Variants in MDM2 observed in about 807,000 individuals in gnomAD.
The protein encoded by MDM2 is MDM2 proto-oncogene.
In MDM2, 11 loss-of-function variants were observed where a neutral mutation model predicts 64.3. The observed-to-expected ratio is 0.17, with a 90% CI of 0.11 to 0.28. MDM2 has a LOEUF of 0.28. Ranked by LOEUF, MDM2 falls within the 10% of genes least tolerant of loss-of-function variation. The pLI, the probability that MDM2 is intolerant of heterozygous loss-of-function variation, is 1.00. For synonymous variants in MDM2, 194 were observed against 192.9 expected (o/e 1.01, Z -0.05); for missense variants, 388 against 577.1 (o/e 0.67, Z 3.36).
chr12:68,828,423 G>C (rs1013708367), intron 7 of MDM2: 1 of 175,240 alleles, frequency 5.7e-6, no homozygotes, highest in African/African-American at 2.4e-5. Context: ...ACAAAATGGT[G>C]CATTCCTATG....
chr12:68,829,843 A>C (rs1882652048), intron 8 of MDM2, among the ~76,000 whole-genome samples: 1 of 152,202 alleles, frequency 6.6e-6, no homozygotes, highest in African/African-American at 2.4e-5. Flanking sequence ...TTACTAATAC[A>C]GACTTCCAAA....
intron 8 of MDM2, among the ~76,000 whole-genome samples, chr12:68,831,226 A>G (rs923667897): frequency 3.9e-5 from 6 of 152,198 alleles, no homozygotes; most frequent in African/African-American, 1.4e-4. Flanking sequence ...AGAAGGGAGA[A>G]GGCAGAAGGA....
At chr12:68,817,992 C>T (rs987206081) in intron 4 of MDM2, among the ~76,000 whole-genome samples, 2 of 151,916 alleles carry the variant, frequency 1.3e-5, no homozygotes, top group African/African-American at 4.8e-5. Context: ...CAGGGTTTCA[C>T]GATGTTGACC....
In MDM2 at chr12:68,844,657, CAAAA is replaced by C. The variant is rs11296638; in HGVS notation, c.*4812_*4815del. 7 of 225,898 alleles carry C rather than the reference CAAAA, an allele frequency of 3.1e-5. No homozygotes were observed. The highest frequency in any genetic ancestry group is 1.3e-3 in the Middle Eastern group (1 of 752). The allele number at this position is 225,898 out of a possible 1,614,324, so 14.0% of individuals were successfully genotyped here. ...CAAATGTAAGTACATCAGAAAAAAACAAAAAAACTGGCTTTAAAGCAGGAGCTTG... is the reference window on the plus strand; with the variant it reads ...CAAATGTAAGTACATCAGAAAAAAACAAACTGGCTTTAAAGCAGGAGCTTG... On this transcript the variant is annotated 3_prime_UTR_variant, in exon 11 of 11. Transcript: ENST00000258149.
chr12:68,826,304 C>T (rs1213163349), intron 7 of MDM2, among the ~76,000 whole-genome samples: 2 of 151,964 alleles, frequency 1.3e-5, no homozygotes, highest in Non-Finnish European at 2.9e-5. Flanking sequence ...AACTGTTGGT[C>T]TGTAAATTGG....
rs1193996311 is a variant in MDM2 at position 68,844,643 on chromosome 12, A to G, written c.*4794A>G. Reference sequence around the variant, plus strand: ...TTGATTGTGAGGCACAAATGTAAGTACATCAGAAAAAAACAAAAAAACTGG... The same window carrying G: ...TTGATTGTGAGGCACAAATGTAAGTGCATCAGAAAAAAACAAAAAAACTGG... On this transcript the variant is annotated 3_prime_UTR_variant, in exon 11 of 11. Transcript: ENST00000258149. 3 of 226,202 alleles carry G rather than the reference A, an allele frequency of 1.3e-5. No individual in the cohort carries two copies. The highest frequency in any genetic ancestry group is 2.3e-5 in the African/African-American group (1 of 44,400). The allele number at this position is 226,202 out of a possible 1,614,324, so 14.0% of individuals were successfully genotyped here.
intron 7 of MDM2, among the ~76,000 whole-genome samples, chr12:68,827,550 C>G (rs1882443524): frequency 6.6e-6 from 1 of 152,082 alleles, no homozygotes; most frequent in African/African-American, 2.4e-5. Flanking sequence ...TCATGTAAAC[C>G]TTGACATGGT....
chr12:68,837,832 A>G (rs1450359545), intron 10 of MDM2, among the ~76,000 whole-genome samples: 1 of 133,406 alleles, frequency 7.5e-6, no homozygotes, highest in Non-Finnish European at 1.6e-5. Context: ...CCTTTATTAT[A>G]TTTGAATAGG....
At chr12:68,836,986 A>G (rs1359372658) in intron 10 of MDM2, among the ~76,000 whole-genome samples, 1 of 138,168 alleles carries the variant, frequency 7.2e-6, no homozygotes, top group Admixed American at 7.4e-5. Flanking sequence ...ACAGGGTCTT[A>G]CCCTTCTCCC....
chr12:68,833,312 AATATAATTATATAAATATAAAAAT>A (rs1883027316), intron 8 of MDM2, among the ~76,000 whole-genome samples: 11 of 61,980 alleles, frequency 1.8e-4, no homozygotes, highest in South Asian at 3.3e-4. Flanking sequence ...TAAATATAAA[AATATAATTATATAAATATAAAAAT>A]ATATATTTAT....
chr12:68,824,312 CG>C, intron 5 of MDM2, 50 bp from the exon 6 acceptor site: 1 of 1,373,426 alleles, frequency 7.3e-7, no homozygotes, highest in Non-Finnish European at 1.0e-6. Flanking sequence ...AGTAGCGCCC[CG>C]CCGCCCCCCG....
downstream of MDM2, chr12:68,849,092 C>T (rs1884523337): frequency 7.1e-6 from 1 of 140,890 alleles, no homozygotes; most frequent in South Asian, 2.1e-4. Context: ...AACGGTAGAC[C>T]CTTTTTTTTT....
At chr12:68,824,817 A>G (rs1431193945) in intron 7 of MDM2, 166 bp downstream of exon 7, 1 of 590,528 alleles carries the variant, frequency 1.7e-6, no homozygotes, top group Non-Finnish European at 2.9e-6. Flanking sequence ...CAAATTGCTT[A>G]TTTAGCAATA....
intron 8 of MDM2, among the ~76,000 whole-genome samples, chr12:68,835,495 G>A (rs934403667): frequency 1.3e-5 from 2 of 152,214 alleles, no homozygotes; most frequent in South Asian, 2.1e-4. Flanking sequence ...AGGTACTTTC[G>A]ATGCCAAGAG....
At chr12:68,834,159 T>C (rs1883120524) in intron 8 of MDM2, among the ~76,000 whole-genome samples, 1 of 152,198 alleles carries the variant, frequency 6.6e-6, no homozygotes, top group Admixed American at 6.5e-5. Flanking sequence ...TTAAATGATA[T>C]GGGCTGGGCG....
Position 68,841,172 on chromosome 12 carries a change from C to T in MDM2, c.*1323C>T, listed in dbSNP as rs1046048212. 1.6e-5 allele frequency: 3 copies of T among 190,202 alleles called. No homozygotes were observed. The highest frequency in any genetic ancestry group is 3.3e-5 in the Non-Finnish European group (3 of 91,144). 11.8% of individuals were successfully genotyped at this position (190,202 alleles called of 1,614,324 possible). A position where few individuals can be genotyped will look rare whatever the true frequency, so the allele number is the denominator to read the frequency against. On this transcript the variant is annotated 3_prime_UTR_variant, in exon 11 of 11. Transcript: ENST00000258149. Reference sequence around the variant, plus strand: ...TTTTGATACTCTTAAACCTTCTGATCCTTAGTTTCTCTCTCCAAAATACTC... The same window carrying T: ...TTTTGATACTCTTAAACCTTCTGATTCTTAGTTTCTCTCTCCAAAATACTC...
intron 8 of MDM2, 107 bp from the exon 9 acceptor site, chr12:68,835,722 C>T (rs778414634): frequency 2.7e-6 from 3 of 1,097,660 alleles, no homozygotes; most frequent in East Asian, 2.6e-5. Context: ...CATCCCCCAA[C>T]TGTTACACCC....
rs945924749 is a variant in MDM2 at position 68,833,708 on chromosome 12, A to G, written c.685-2121A>G. Among the ~76,000 whole-genome samples the G allele has an allele frequency of 3.9e-5, 6 of 152,190 alleles. 1 individual carries two copies. The highest frequency in any genetic ancestry group is 4.1e-4 in the South Asian group (2 of 4,832). On this transcript the variant is annotated intron_variant, in intron 8 of 10. Transcript: ENST00000258149. ...AGCAACTGTAGACAACAAGTCAACAAATAGGCATGGCTGTGTTCAATAAAA... is the reference window on the plus strand; with the variant it reads ...AGCAACTGTAGACAACAAGTCAACAGATAGGCATGGCTGTGTTCAATAAAA...
chr12:68,808,325 C>A lies in MDM2; in HGVS notation c.-153C>A. The A allele has an allele frequency of 1.0e-6, 1 of 952,510 alleles. No homozygotes were observed. The highest frequency in any genetic ancestry group is 1.4e-5 in the South Asian group (1 of 71,142). 59.0% of individuals were successfully genotyped at this position (952,510 alleles called of 1,614,324 possible). ...CTGCTGCTTTCGCAGCCAGGAGCAC[C>A]GTCCCTCCCCGGATTAGTGCGTACG... On this transcript the variant is annotated 5_prime_UTR_variant, in exon 1 of 11. Transcript: ENST00000258149.
Sources: gnomAD v4.1 joint callset for allele counts (sites outside exome capture counted in the v4.1 genomes callset) on GRCh38, gnomAD v4.1.1 for gene constraint, MANE v1.5 for transcripts, NCBI Gene and HGNC (gene_info 2026-07-23, HGNC 2026-07-21) for gene names.